The following DOCK2 variants were observed in gnomAD, a reference collection of about 807,000 sequenced individuals.
DOCK2 encodes the protein dedicator of cytokinesis 2, also known as dedicator of cytokinesis protein 2.
Under a neutral mutation model 248.9 loss-of-function variants are expected in DOCK2, and 87 were observed. The observed-to-expected ratio is 0.35, with a 90% CI of 0.29 to 0.42. The LOEUF is 0.42. DOCK2 is among the 10% of genes least tolerant of loss of function. DOCK2 has a pLI of 1.00. For synonymous variants in DOCK2, 805 were observed against 821.6 expected (o/e 0.98, Z 0.35); for missense variants, 1,747 against 2,300.2 (o/e 0.76, Z 4.92).
At chr5:169,788,745 A>G (rs2113047217) in intron 25 of DOCK2, among the ~76,000 whole-genome samples, 1 of 152,338 alleles carries the variant, frequency 6.6e-6, no homozygotes, top group Middle Eastern at 3.4e-3. Flanking sequence ...ACACATGAAC[A>G]AATAATGTGC....
At chr5:170,048,151 G>C (rs910070405) in intron 40 of DOCK2, among the ~76,000 whole-genome samples, 1 of 152,188 alleles carries the variant, frequency 6.6e-6, no homozygotes, top group African/African-American at 2.4e-5. Context: ...CAGCACTTTG[G>C]GAGGCTGAGG....
chr5:169,859,005 C>A (rs753154047), intron 27 of DOCK2, among the ~76,000 whole-genome samples: 1 of 152,064 alleles, frequency 6.6e-6, no homozygotes, highest in Admixed American at 6.6e-5. Context: ...CAGAGTGAGA[C>A]CCTGTTTCAA....
At chr5:169,731,234 C>T (rs1456958285) in intron 22 of DOCK2, among the ~76,000 whole-genome samples, 1 of 152,178 alleles carries the variant, frequency 6.6e-6, no homozygotes, top group East Asian at 1.9e-4. Flanking sequence ...GCTGTGTCCA[C>T]ACCCAAATCT....
At chr5:169,679,865 A>C (rs1380091880) in intron 6 of DOCK2, among the ~76,000 whole-genome samples, 7 of 152,200 alleles carry the variant, frequency 4.6e-5, no homozygotes, top group Non-Finnish European at 8.8e-5. Flanking sequence ...AGAGATGAAG[A>C]CTTAGTTTCC....
chr5:170,036,394 T>G (rs1756324407), intron 35 of DOCK2, 121 bp from the exon 36 acceptor site: 1 of 986,082 alleles, frequency 1.0e-6, no homozygotes, highest in Non-Finnish European at 1.5e-6. Context: ...AGTTTCTTAT[T>G]CCTATCTCAG....
At chr5:169,789,580 A>G (rs1429366307) in intron 25 of DOCK2, among the ~76,000 whole-genome samples, 2 of 152,134 alleles carry the variant, frequency 1.3e-5, no homozygotes, top group Non-Finnish European at 2.9e-5. Flanking sequence ...ATTTCCTCCC[A>G]TCTCATACTT....
intron 32 of DOCK2, among the ~76,000 whole-genome samples, chr5:170,012,570 A>G (rs1755340574): frequency 2.0e-5 from 3 of 152,174 alleles, no homozygotes; most frequent in African/African-American, 7.2e-5. Context: ...AAATCTAGAC[A>G]AATTGTGTGT....
intron 26 of DOCK2, among the ~76,000 whole-genome samples, chr5:169,813,529 A>G (rs895819156): frequency 4.6e-5 from 7 of 152,184 alleles, no homozygotes; most frequent in Non-Finnish European, 8.8e-5. Context: ...GACTCAAAAC[A>G]ATGGCCCCAA....
At chr5:169,747,670 G>A (rs185371030) in intron 23 of DOCK2, among the ~76,000 whole-genome samples, 166 bp downstream of exon 23, 128 of 152,296 alleles carry the variant, frequency 8.4e-4, no homozygotes, top group African/African-American at 3.0e-3. Flanking sequence ...AAGAGAAAAC[G>A]TATTTATTGT....
chr5:169,730,113 C>T (rs1307883723), intron 22 of DOCK2, among the ~76,000 whole-genome samples: 1 of 152,098 alleles, frequency 6.6e-6, no homozygotes, highest in East Asian at 1.9e-4. Flanking sequence ...TGCACCACCA[C>T]ACCCAGCTAA....
intron 1 of DOCK2, among the ~76,000 whole-genome samples, chr5:169,643,530 A>C (rs944696599): frequency 6.6e-6 from 1 of 152,190 alleles, no homozygotes; most frequent in Non-Finnish European, 1.5e-5. Flanking sequence ...TGCAGGTCAC[A>C]ATAGGGTTCC....
At chr5:169,838,144 T>C (rs1465663300) in intron 26 of DOCK2, among the ~76,000 whole-genome samples, 1 of 152,126 alleles carries the variant, frequency 6.6e-6, no homozygotes, top group Non-Finnish European at 1.5e-5. Flanking sequence ...AGGTAGAAGT[T>C]GGTCCAATTG....
chr5:169,990,473 C>G (rs949722411), intron 29 of DOCK2, among the ~76,000 whole-genome samples: 2 of 151,332 alleles, frequency 1.3e-5, no homozygotes, highest in Admixed American at 6.6e-5. Context: ...ATCCCGATCC[C>G]AGAGCCTGCT....
intron 23 of DOCK2, among the ~76,000 whole-genome samples, chr5:169,748,841 T>G (rs79983169): frequency 0.021 from 3,140 of 152,324 alleles, 48 homozygotes; most frequent in South Asian, 0.054. Flanking sequence ...AGGCTTTATA[T>G]TTCATGCTTC....
At chr5:169,824,177 G>A (rs937115413) in intron 26 of DOCK2, among the ~76,000 whole-genome samples, 29 of 152,112 alleles carry the variant, frequency 1.9e-4, no homozygotes, top group African/African-American at 6.5e-4. Context: ...AATCAATATC[G>A]TGAAAATGGC....
At chr5:170,040,878 G>C in intron 36 of DOCK2, 177 bp from the exon 37 acceptor site, 2 of 542,182 alleles carry the variant, frequency 3.7e-6, no homozygotes, top group South Asian at 4.7e-5. Flanking sequence ...CATGCACTAA[G>C]TAACCAACAC....
intron 27 of DOCK2, among the ~76,000 whole-genome samples, chr5:169,967,121 C>T (rs1190444710): frequency 6.6e-6 from 1 of 152,230 alleles, no homozygotes; most frequent in Non-Finnish European, 1.5e-5. Context: ...CAGTCTCTGC[C>T]TTCCTGGTCC....
rs958102632 is a variant in DOCK2 at position 169,821,977 on chromosome 5, T to C, written c.2703+18771T>C. Among the ~76,000 whole-genome samples, 3 of 151,910 alleles carry C rather than the reference T, an allele frequency of 2.0e-5. No individual in the cohort carries two copies. In the East Asian group the frequency reaches 5.8e-4, roughly 29 times the overall value. ...AGGCAGAGGTTGCAATCCTAGTCTC[T>C]GATAAAACAGACTTTAAGCCAATAA... is the stretch of plus-strand genomic sequence containing the variant. On this transcript the variant is annotated intron_variant, in intron 26 of 51. Transcript: ENST00000520908.
chr5:169,976,234 T>C lies in DOCK2; in HGVS notation c.2800-6834T>C, dbSNP rs570011374. On this transcript the variant is annotated intron_variant, in intron 27 of 51. Transcript: ENST00000520908. ...AAATCTCTGCCCATGAGAGTGCTGA[T>C]GTGGAAGACGTGGCGGGTTTTTAAG... Among the ~76,000 whole-genome samples the C allele has an allele frequency of 1.2e-4, 19 of 152,338 alleles. No individual in the cohort carries two copies. The East Asian group carries it at 3.5e-3, about 28-fold the overall frequency.
Sources: allele counts gnomAD v4.1 joint callset (sites outside exome capture counted in the v4.1 genomes callset), GRCh38; gene constraint gnomAD v4.1.1; transcripts MANE v1.5; gene names NCBI Gene and HGNC (gene_info 2026-07-23, HGNC 2026-07-21).